RARB: variants seen among roughly 807,000 people sequenced by gnomAD.
RARB encodes the protein HBV-activated protein.
RARB carries 17 observed loss-of-function variants against 51.9 expected under a neutral mutation model. That is an observed-to-expected ratio of 0.33 (90% CI 0.22 to 0.49). The LOEUF (loss-of-function observed/expected upper bound fraction) is 0.49, where lower values mean the gene tolerates loss of function less well. Among genes scored for constraint, RARB ranks in the 20% least tolerant of loss-of-function variants. The pLI is 0.99. For missense variants in RARB, 369 were observed against 550.8 expected (o/e 0.67, Z 3.30); for synonymous variants, 215 against 195.4 (o/e 1.10, Z -0.84).
At chr3:25,192,488 A>G (rs1381667340) in intron 5 of RARB, among the ~76,000 whole-genome samples, 1 of 152,130 alleles carries the variant, frequency 6.6e-6, no homozygotes, top group East Asian at 1.9e-4. Context: ...AGGAATTAAA[A>G]GTTTTTTGTA....
chr3:25,119,596 G>C (rs1699745956), intron 3 of RARB, among the ~76,000 whole-genome samples: 1 of 150,640 alleles, frequency 6.6e-6, no homozygotes, highest in African/African-American at 2.5e-5. Context: ...TGGTAGGTCA[G>C]ATAAATGGGT....
chr3:25,474,333 A>G (rs536438494), intron 2 of RARB, among the ~76,000 whole-genome samples: 30 of 152,340 alleles, frequency 2.0e-4, no homozygotes, highest in Non-Finnish European at 3.8e-4. Context: ...GCTATGCCAC[A>G]TCTGGGGACT....
At position 25,093,650 on chromosome 3, in the gene RARB, G is replaced by T. The variant is rs553817901; in HGVS notation, c.-328+33474G>T. Reference sequence around the variant, plus strand: ...TGCAACTTCCTCAGTTACTCCTGCAGATAATATCCTTGTTGTAGAATCTAA... The same window carrying T: ...TGCAACTTCCTCAGTTACTCCTGCATATAATATCCTTGTTGTAGAATCTAA... On this transcript the variant is annotated intron_variant, in intron 3 of 11. Transcript: ENST00000383772. 1.9e-3 allele frequency among the ~76,000 whole-genome samples: 294 copies of T among 152,216 alleles called. 5 individuals carry two copies. The highest frequency in any genetic ancestry group is 6.8e-3 in the African/African-American group (282 of 41,540).
rs139895816 is a variant in RARB, at chr3:25,318,301, G to A, written c.179-142892G>A. On this transcript the variant is annotated intron_variant, in intron 5 of 11. Transcript: ENST00000383772. ...CCATAAATTGCTATATTTGGTTCTC[G>A]AGTTATTATTGCAGTTCCTTGGGGT... Among the ~76,000 whole-genome samples, 6 of 152,152 alleles carry A rather than the reference G, an allele frequency of 3.9e-5. No individual in the cohort carries two copies. In the East Asian group the frequency reaches 7.7e-4, roughly 20 times the overall value.
At position 25,252,903 on chromosome 3, in the gene RARB, C is replaced by G. The variant is rs565164939; in HGVS notation, c.178+78328C>G. On this transcript the variant is annotated intron_variant, in intron 5 of 11. Transcript: ENST00000383772. ...GGCACCGTGGCTTTTACTTTCCCTT[C>G]TCTTCAGCTTCTAGGTCCCATTTGT... is the stretch of plus-strand genomic sequence containing the variant. Among the ~76,000 whole-genome samples, 30 of 152,286 alleles carry G rather than the reference C, an allele frequency of 2.0e-4. No individual in the cohort carries two copies. The East Asian group carries it at 4.1e-3, about 21-fold the overall frequency.
Position 25,327,553 on chromosome 3 carries a change from G to C in RARB, c.179-133640G>C, listed in dbSNP as rs75921907. Among the ~76,000 whole-genome samples the C allele has an allele frequency of 1.8e-4, 28 of 152,318 alleles. 1 individual carries two copies. In the East Asian group the frequency reaches 5.4e-3, roughly 29 times the overall value. On this transcript the variant is annotated intron_variant, in intron 5 of 11. Coordinates refer to the RARB transcript ENST00000383772. ...AACTTTTAAGTTTGAGCATGGAATA[G>C]AGACGTCTTTAGATACGTAAGGTCT...
At chr3:25,374,227 C>T (rs1706389642) in intron 5 of RARB, among the ~76,000 whole-genome samples, 1 of 152,046 alleles carries the variant, frequency 6.6e-6, no homozygotes, top group South Asian at 2.1e-4. Flanking sequence ...ACACACTATG[C>T]TCAAACCAGG....
At chr3:25,507,554 A>G (rs926746115) in intron 3 of RARB, among the ~76,000 whole-genome samples, 11 of 152,226 alleles carry the variant, frequency 7.2e-5, no homozygotes, top group Admixed American at 1.3e-4. Flanking sequence ...TCCCTCCCCC[A>G]GAAGACATTA....
rs1350279072 is a variant in RARB, at chr3:25,431,008, T to TA, written c.157+2121dup. On this transcript the variant is annotated intron_variant, in intron 1 of 7. Coordinates refer to ENST00000330688, the MANE Select transcript of RARB (RefSeq NM_000965.5). Reference sequence around the variant, plus strand: ...TAAAACTTTTTTTTTTTTTTTTTTTTAGAGATTCTAACAAATGTCTTGTGC... The same window carrying TA: ...TAAAACTTTTTTTTTTTTTTTTTTTTAAGAGATTCTAACAAATGTCTTGTGC... Among the ~76,000 whole-genome samples, 67 of 133,948 alleles carry TA rather than the reference T, an allele frequency of 5.0e-4. 1 individual carries two copies. In the East Asian group the frequency reaches 0.013, roughly 26 times the overall value. The allele number at this position is 133,948 out of a possible 152,430, so 87.9% of individuals were successfully genotyped here. A position where few individuals can be genotyped will look rare whatever the true frequency, so the allele number is the denominator to read the frequency against.
intron 5 of RARB, among the ~76,000 whole-genome samples, chr3:25,383,134 A>G (rs541204361): frequency 1.3e-5 from 2 of 152,346 alleles, no homozygotes; most frequent in South Asian, 2.1e-4. Flanking sequence ...CTTTATATTT[A>G]GCCAGATTGG....
At chr3:25,468,747 GA>G (rs1424923995) in intron 2 of RARB, among the ~76,000 whole-genome samples, 6 of 152,142 alleles carry the variant, frequency 3.9e-5, no homozygotes, top group Non-Finnish European at 7.4e-5. Context: ...ATTAAAAAAG[GA>G]AGCGCTTACA....
At chr3:25,312,073 C>T (rs149040061) in intron 5 of RARB, among the ~76,000 whole-genome samples, 8 of 152,188 alleles carry the variant, frequency 5.3e-5, no homozygotes, top group Admixed American at 1.3e-4. Context: ...TTGTTTCCTG[C>T]GGTGTTTAGG....
intron 2 of RARB, among the ~76,000 whole-genome samples, chr3:24,982,796 G>A (rs1696706152): frequency 6.6e-6 from 1 of 152,096 alleles, no homozygotes; most frequent in African/African-American, 2.4e-5. Flanking sequence ...TTGGGGGCTG[G>A]GGCATCATAA....
intron 2 of RARB, among the ~76,000 whole-genome samples, chr3:25,475,727 A>G (rs1695914553): frequency 6.6e-6 from 1 of 152,168 alleles, no homozygotes; most frequent in Admixed American, 6.5e-5. Flanking sequence ...CTGACCAATA[A>G]CATTCTAAAG....
At chr3:24,911,740 G>T (rs1694993160) in intron 2 of RARB, among the ~76,000 whole-genome samples, 3 of 152,120 alleles carry the variant, frequency 2.0e-5, no homozygotes. Flanking sequence ...ATCACTTGAG[G>T]CCAGGAGTTC....
At chr3:25,576,869 T>G (rs551924367) in intron 4 of RARB, among the ~76,000 whole-genome samples, 6 of 152,240 alleles carry the variant, frequency 3.9e-5, no homozygotes, top group Admixed American at 3.3e-4. Context: ...TTGGGGGCCT[T>G]CTCCTCTCTT....
chr3:24,996,834 G>C (rs1697050207), intron 2 of RARB, among the ~76,000 whole-genome samples: 1 of 151,572 alleles, frequency 6.6e-6, no homozygotes. Flanking sequence ...TGTTATTTTG[G>C]TTTGTGAAAA....
chr3:25,094,390 C>T (rs1051406502), intron 3 of RARB, among the ~76,000 whole-genome samples: 1 of 152,024 alleles, frequency 6.6e-6, no homozygotes, highest in Non-Finnish European at 1.5e-5. Context: ...GGAGGAACCC[C>T]ATGAAGAAGG....
At chr3:25,332,899 C>G (rs1704946740) in intron 5 of RARB, among the ~76,000 whole-genome samples, 1 of 152,064 alleles carries the variant, frequency 6.6e-6, no homozygotes. Context: ...AACAGAGAGC[C>G]AAATCATGAG....
Sources: gnomAD v4.1 joint callset for allele counts (sites outside exome capture counted in the v4.1 genomes callset) on GRCh38, gnomAD v4.1.1 for gene constraint, MANE v1.5 for transcripts, NCBI Gene and HGNC (gene_info 2026-07-23, HGNC 2026-07-21) for gene names.